ANK2: variants seen among roughly 807,000 people sequenced by gnomAD.
The protein encoded by ANK2 is ankyrin-2.
Under a neutral mutation model 360.5 loss-of-function variants are expected in ANK2, and 83 were observed. That is an observed-to-expected ratio of 0.23 (90% confidence interval 0.19 to 0.28). ANK2 has a LOEUF of 0.28. ANK2 is among the 10% of genes least tolerant of loss of function. The probability of loss-of-function intolerance (pLI) is 1.00; values close to 1 mark genes in which losing one functional copy is unlikely to be tolerated. For synonymous variants in ANK2, 1,740 were observed against 1,759.5 expected, an observed-to-expected ratio of 0.99 and a Z score of 0.28; for missense variants, 4,201 against 4,795.7, an observed-to-expected ratio of 0.88 and a Z score of 3.66.
chr4:112,892,424 G>GT (rs2080324444), intron 1 of ANK2, among the ~76,000 whole-genome samples: 1 of 152,202 alleles, frequency 6.6e-6, no homozygotes, highest in Non-Finnish European at 1.5e-5. Context: ...TTAGAATGAA[G>GT]TAAGTGTCTG....
intron 2 of ANK2, among the ~76,000 whole-genome samples, chr4:113,011,115 A>T (rs1506066): frequency 0.57 from 84,797 of 148,042 alleles, 25,523 homozygotes; most frequent in Non-Finnish European, 0.69. Context: ...GGATTTAAAG[A>T]TAATAGTAAG....
chr4:112,734,251 G>A, the ANK2 span, among the ~76,000 whole-genome samples: 1 of 152,182 alleles, frequency 6.6e-6, no homozygotes, highest in Non-Finnish European at 1.5e-5. Flanking sequence ...CTCTCCTTAA[G>A]AGAACAAGAT....
At chr4:112,810,988 G>C in the ANK2 span, among the ~76,000 whole-genome samples, 1 of 148,578 alleles carries the variant, frequency 6.7e-6, no homozygotes, top group East Asian at 2.0e-4. Context: ...CAGGCTGGAG[G>C]GCAGTGGCGC....
rs539298479 is a variant in ANK2, at chr4:113,360,848, C to A, written c.10707C>A (p.Ile3569=). 8 of 1,612,572 alleles carry A rather than the reference C, an allele frequency of 5.0e-6. No individual in the cohort carries two copies. The Admixed American group carries it at 6.7e-5, about 13-fold the overall frequency. ...ATCCACAGGATGAGCAGGAACGGAT[C>A]GAGGAAAGGCTGGCTTATATTGCTG... ...AEDPQDEQER[I]EERLAYIADH... is the part of the protein sequence containing the mutation. The change falls in exon 39 of 46, where the codon ATC becomes ATA. Residue 3569 remains isoleucine (I), a synonymous_variant. Transcript: ENST00000357077.
At chr4:113,305,319 G>T (rs1010790512) in intron 23 of ANK2, among the ~76,000 whole-genome samples, 1 of 110,052 alleles carries the variant, frequency 9.1e-6, no homozygotes, top group African/African-American at 3.8e-5. Flanking sequence ...CAGCCTGGGC[G>T]ACAGAGCGAG....
intron 2 of ANK2, among the ~76,000 whole-genome samples, chr4:113,039,834 A>C (rs2062514134): frequency 6.6e-6 from 1 of 151,612 alleles, no homozygotes; most frequent in African/African-American, 2.4e-5. Context: ...AAATTCCATC[A>C]CTCCATGGGT....
chr4:113,279,096 C>G (rs868274236), intron 17 of ANK2, among the ~76,000 whole-genome samples: 1 of 152,072 alleles, frequency 6.6e-6, no homozygotes, highest in South Asian at 2.1e-4. Flanking sequence ...ACAGCTCCAA[C>G]TAAGACTTGT....
chr4:113,267,490 C>A (rs976408815), intron 14 of ANK2, among the ~76,000 whole-genome samples: 10 of 152,168 alleles, frequency 6.6e-5, no homozygotes, highest in South Asian at 4.1e-4. Flanking sequence ...TTCCCAACAC[C>A]ATTTATTAAA....
At chr4:112,777,395 C>A in the ANK2 span, among the ~76,000 whole-genome samples, 1 of 152,104 alleles carries the variant, frequency 6.6e-6, no homozygotes, top group East Asian at 1.9e-4. Flanking sequence ...CCTGCCACCA[C>A]GTCCAGCTAA....
chr4:112,950,707 A>G (rs570229610), intron 2 of ANK2, among the ~76,000 whole-genome samples: 16 of 151,998 alleles, frequency 1.1e-4, no homozygotes, highest in Non-Finnish European at 1.9e-4. Flanking sequence ...AGCATGAGTG[A>G]AATAACGTAT....
At position 113,271,647 on chromosome 4, in the gene ANK2, G is replaced by T. The variant is rs542150063; in HGVS notation, c.1486-2805G>T. Among the ~76,000 whole-genome samples the T allele has an allele frequency of 2.0e-5, 3 of 152,310 alleles. 1 individual carries two copies. In the East Asian group the frequency reaches 5.8e-4, roughly 29 times the overall value. Reference sequence around the variant, plus strand: ...GCGTAGTTCACAATCTTCTCAATCAGGTTTAGAAATAATATCTCATGGGTC... The same window carrying T: ...GCGTAGTTCACAATCTTCTCAATCATGTTTAGAAATAATATCTCATGGGTC... On this transcript the variant is annotated intron_variant, in intron 14 of 45. Coordinates refer to ENST00000357077, the MANE Select transcript of ANK2 (RefSeq NM_001148.6).
chr4:112,956,030 A>C (rs2095314215), intron 2 of ANK2, among the ~76,000 whole-genome samples: 1 of 152,226 alleles, frequency 6.6e-6, no homozygotes, highest in South Asian at 2.1e-4. Context: ...CACATTTTAT[A>C]CAGTAGTCCC....
chr4:112,882,066 C>G (rs375338943), intron 1 of ANK2: 1 of 372,298 alleles, frequency 2.7e-6, no homozygotes, highest in Non-Finnish European at 4.9e-6. Context: ...TCCTCAGGCT[C>G]TCATCGGTTG....
chr4:113,231,529 G>C (rs1439648666), intron 4 of ANK2, among the ~76,000 whole-genome samples: 1 of 151,994 alleles, frequency 6.6e-6, no homozygotes, highest in African/African-American at 2.4e-5. Context: ...ATTTTATAAA[G>C]ATGCTATATA....
chr4:113,053,890 TTATTCCAC>T (rs1393826346), intron 1 of ANK2, among the ~76,000 whole-genome samples: 3 of 152,212 alleles, frequency 2.0e-5, no homozygotes, highest in African/African-American at 4.8e-5. Context: ...ACTATAAAAC[TTATTCCAC>T]TATTCCACTA....
chr4:113,157,888 C>G (rs1449688944), intron 1 of ANK2, among the ~76,000 whole-genome samples: 1 of 152,186 alleles, frequency 6.6e-6, no homozygotes, highest in East Asian at 1.9e-4. Context: ...TTGGTTTTCT[C>G]ATTTGGGAAG....
upstream of ANK2, among the ~76,000 whole-genome samples, chr4:112,815,752 A>G (rs528218861): frequency 5.9e-5 from 9 of 152,354 alleles, no homozygotes; most frequent in South Asian, 2.1e-4. Flanking sequence ...AAAAGAAACC[A>G]TTAACAATAG....
the ANK2 span, among the ~76,000 whole-genome samples, chr4:112,745,653 C>T: frequency 6.6e-6 from 1 of 151,694 alleles, no homozygotes; most frequent in Admixed American, 6.6e-5. Context: ...CCTGCCTCAG[C>T]CTCCCAAGTA....
chr4:113,317,289 A>G (rs1045516735), intron 24 of ANK2, among the ~76,000 whole-genome samples: 1 of 152,174 alleles, frequency 6.6e-6, no homozygotes, highest in Non-Finnish European at 1.5e-5. Flanking sequence ...CTTCTCTCTG[A>G]GGGCCATCTA....
Sources: allele counts gnomAD v4.1 joint callset (sites outside exome capture counted in the v4.1 genomes callset), GRCh38; gene constraint gnomAD v4.1.1; transcripts MANE v1.5; gene names NCBI Gene and HGNC (gene_info 2026-07-23, HGNC 2026-07-21).